Variants in RANBP1 observed in about 807,000 individuals in gnomAD.
The protein encoded by RANBP1 is RAN binding protein 1.
RANBP1 carries 16 observed loss-of-function variants against 31.4 expected under a neutral mutation model. The ratio of observed to expected loss-of-function variants is 0.51; its 90% CI spans 0.34 to 0.77. RANBP1 has a LOEUF of 0.77. RANBP1 is among the 30% of genes least tolerant of loss of function. The pLI is 0.01. For missense variants in RANBP1, 265 were observed against 362.0 expected, an observed-to-expected ratio of 0.73 and a Z score of 2.17; for synonymous variants, 129 against 140.5, an observed-to-expected ratio of 0.92 and a Z score of 0.58.
intron 5 of RANBP1, chr22:20,126,737 G>T: frequency 7.0e-7 from 1 of 1,438,606 alleles, no homozygotes; most frequent in South Asian, 1.3e-5. Context: ...CCTGACCATG[G>T]TCTAGGCAGT....
chr22:20,117,073 C>T (rs956812004), intron 1 of RANBP1: 6 of 897,614 alleles, frequency 6.7e-6, no homozygotes, highest in Non-Finnish European at 1.0e-5. Flanking sequence ...CCCGGCTTCG[C>T]CCCAGGCGGG....
At position 20,127,183 on chromosome 22, in the gene RANBP1, A is replaced by G; in HGVS notation, c.*131A>G. On this transcript the variant is annotated 3_prime_UTR_variant, in exon 6 of 6. Transcript: ENST00000430524. ...GACGTTATATAAAGAACTGAACTCA[A>G]CATTCAGGTTGTTTTTTTTTTTTGT... The G allele has an allele frequency of 2.9e-6, 2 of 686,662 alleles. No individual in the cohort carries two copies. The highest frequency in any genetic ancestry group is 4.4e-6 in the Non-Finnish European group (2 of 451,916). 42.5% of individuals were successfully genotyped at this position (686,662 alleles called of 1,614,324 possible).
intron 5 of RANBP1, 32 bp from the exon 6 acceptor site, chr22:20,126,920 C>T: frequency 6.2e-7 from 1 of 1,605,166 alleles, no homozygotes; most frequent in Non-Finnish European, 8.5e-7. Flanking sequence ...CACCGTGCTT[C>T]TGTTTTCTCA....
At chr22:20,120,610 C>T (rs1017948795) in intron 2 of RANBP1, among the ~76,000 whole-genome samples, 21 of 152,152 alleles carry the variant, frequency 1.4e-4, no homozygotes, top group African/African-American at 5.1e-4. Flanking sequence ...CCAGCCTGAG[C>T]CCTGAGTGCA....
intron 1 of RANBP1, chr22:20,116,761 C>G (rs1215439572): frequency 7.0e-7 from 1 of 1,429,918 alleles, no homozygotes; most frequent in East Asian, 2.5e-5. Context: ...ACCCCATTCC[C>G]GTCTCCTTTC....
At chr22:20,123,084 G>C (rs1360974450) in intron 3 of RANBP1, among the ~76,000 whole-genome samples, 2 of 122,998 alleles carry the variant, frequency 1.6e-5, no homozygotes, top group African/African-American at 6.4e-5. Context: ...TTGGTGTTTG[G>C]GGTGTGTATG....
intron 2 of RANBP1, among the ~76,000 whole-genome samples, chr22:20,120,801 C>T (rs1335248100): frequency 1.3e-5 from 2 of 152,296 alleles, no homozygotes; most frequent in East Asian, 1.9e-4. Flanking sequence ...TGTGAGCCAC[C>T]GCGTCCGGTC....
chr22:20,119,567 G>A (rs896255102), intron 2 of RANBP1: 2 of 185,316 alleles, frequency 1.1e-5, no homozygotes, highest in Admixed American at 5.5e-5. Context: ...TCGCTCTGTC[G>A]CCCAGGCTGG....
chr22:20,126,551 T>G (rs956006214), intron 5 of RANBP1, 183 bp downstream of exon 5: 20 of 1,564,900 alleles, frequency 1.3e-5, no homozygotes, highest in Non-Finnish European at 1.6e-5. Context: ...CCTGAGCACT[T>G]GTCAGTGTTG....
intron 2 of RANBP1, among the ~76,000 whole-genome samples, chr22:20,120,491 G>T (rs904391039): frequency 6.6e-6 from 1 of 152,186 alleles, no homozygotes; most frequent in Non-Finnish European, 1.5e-5. Context: ...AAGCTCCAGG[G>T]GCATCCTGTT....
intron 5 of RANBP1, 92 bp downstream of exon 5, chr22:20,126,460 T>G: frequency 6.2e-7 from 1 of 1,607,564 alleles, no homozygotes; most frequent in Non-Finnish European, 8.5e-7. Context: ...GTCTGCCAGA[T>G]AAACATTCCA....
intron 4 of RANBP1, 41 bp downstream of exon 4, chr22:20,125,477 A>C: frequency 4.4e-6 from 7 of 1,573,836 alleles, no homozygotes; most frequent in Non-Finnish European, 6.0e-6. Flanking sequence ...CTTGGGGCTC[A>C]CCTGCGTGGC....
intron 3 of RANBP1, chr22:20,124,875 C>T: frequency 9.9e-6 from 2 of 201,520 alleles, no homozygotes; most frequent in Middle Eastern, 2.0e-3. Context: ...TGACCCTGGG[C>T]TTCTGACTTC....
intron 2 of RANBP1, 124 bp from the exon 3 acceptor site, chr22:20,122,140 A>G (rs1032369303): frequency 1.9e-6 from 2 of 1,068,800 alleles, no homozygotes; most frequent in Admixed American, 2.6e-5. Flanking sequence ...TGGAGCCTGA[A>G]GAAGGGCTGG....
At chr22:20,117,113 C>T (rs1039093963) in intron 1 of RANBP1, 57 of 681,564 alleles carry the variant, frequency 8.4e-5, no homozygotes, top group Middle Eastern at 4.0e-4. Flanking sequence ...TGCTCAGGTC[C>T]GGGTCTCAGG....
chr22:20,117,410 G>C, intron 1 of RANBP1: 5 of 1,210,364 alleles, frequency 4.1e-6, no homozygotes, highest in African/African-American at 1.6e-5. Flanking sequence ...AGCGCGGGGC[G>C]GGCCGGACAA....
At chr22:20,126,803 C>A (rs2050310158) in intron 5 of RANBP1, 149 bp from the exon 6 acceptor site, 4 of 1,344,134 alleles carry the variant, frequency 3.0e-6, no homozygotes, top group Non-Finnish European at 4.1e-6. Context: ...AAGACAGACT[C>A]CAGGAGGCGG....
intron 1 of RANBP1, chr22:20,117,678 C>T (rs2050068701): frequency 3.5e-5 from 32 of 923,630 alleles, no homozygotes; most frequent in Non-Finnish European, 3.8e-5. Context: ...CCGCCGGGCC[C>T]AAGCGGGGAC....
rs139712874 is a variant in RANBP1, at chr22:20,126,716, T to G, written c.737-236T>G. 12,648 of 1,478,332 alleles carry G rather than the reference T, an allele frequency of 8.6e-3. 58 individuals carry two copies. Among genetic ancestry groups the G allele is most frequent in the Non-Finnish European group, 0.01 (11,521 of 1,097,930 alleles). The allele number at this position is 1,478,332 out of a possible 1,614,324, so 91.6% of individuals were successfully genotyped here. A position where few individuals can be genotyped will look rare whatever the true frequency, so the allele number is the denominator to read the frequency against. On this transcript the variant is annotated intron_variant, in intron 5 of 5. Transcript: ENST00000430524. ...AGCTGTGGTGGCAAGTGACCAGATG[T>G]CACTGAGCAGCCTGACCATGGTCTA...
Sources: gnomAD v4.1 joint callset for allele counts (sites outside exome capture counted in the v4.1 genomes callset) on GRCh38, gnomAD v4.1.1 for gene constraint, MANE v1.5 for transcripts, NCBI Gene and HGNC (gene_info 2026-07-23, HGNC 2026-07-21) for gene names.